AGAP1: variants seen among roughly 807,000 people sequenced by gnomAD.
AGAP1 encodes the protein ArfGAP with GTPase domain, ankyrin repeat and PH domain 1.
In AGAP1, 29 loss-of-function variants were observed where a neutral mutation model predicts 105.3. The ratio of observed to expected loss-of-function variants is 0.28; its 90% confidence interval spans 0.21 to 0.38. The LOEUF is 0.38. AGAP1 is among the 10% of genes least tolerant of loss of function. AGAP1 has a pLI of 1.00. For missense variants in AGAP1, 998 were observed against 1,165.1 expected (o/e 0.86, Z 2.09); for synonymous variants, 509 against 485.9 (o/e 1.05, Z -0.63).
intron 1 of AGAP1, among the ~76,000 whole-genome samples, chr2:235,576,220 G>A (rs992581952): frequency 7.2e-5 from 11 of 152,188 alleles, no homozygotes; most frequent in Non-Finnish European, 1.5e-4. Flanking sequence ...GGTAGGATAG[G>A]GGCTTTGGTC....
intron 16 of AGAP1, among the ~76,000 whole-genome samples, chr2:236,068,744 G>A (rs1182860568): frequency 6.9e-6 from 1 of 144,590 alleles, no homozygotes; most frequent in Non-Finnish European, 1.5e-5. Flanking sequence ...AGCTTGCAGT[G>A]AGCCAAGATC....
intron 1 of AGAP1, among the ~76,000 whole-genome samples, chr2:235,641,322 T>TCTCTCTTTCTCCTC (rs751660277): frequency 6.4e-4 from 96 of 149,854 alleles, no homozygotes; most frequent in Non-Finnish European, 8.8e-4. Context: ...TTTCTCTTTC[T>TCTCTCTTTCTCCTC]CCTCCCTCCC....
At chr2:235,985,885 T>C (rs2055294791) in intron 13 of AGAP1, among the ~76,000 whole-genome samples, 1 of 152,216 alleles carries the variant, frequency 6.6e-6, no homozygotes, top group Non-Finnish European at 1.5e-5. Flanking sequence ...TTGTATATAG[T>C]TTGAAGTCAT....
At chr2:235,580,903 T>C (rs1944908895) in intron 1 of AGAP1, among the ~76,000 whole-genome samples, 1 of 152,116 alleles carries the variant, frequency 6.6e-6, no homozygotes, top group Admixed American at 6.5e-5. Context: ...GTGGCCCTGC[T>C]CCTTGTATGG....
chr2:235,807,889 G>C (rs1957921769), intron 9 of AGAP1, among the ~76,000 whole-genome samples: 1 of 152,120 alleles, frequency 6.6e-6, no homozygotes, highest in South Asian at 2.1e-4. Context: ...TTATATAAAG[G>C]AACATTTACA....
rs776101414 is a variant in AGAP1, at chr2:235,562,146, T to C, written c.163+67297T>C. Reference sequence around the variant, plus strand: ...AAGGAAATCAGTTTTTAGTTAACTTTTAAGGCTATTCACCATGATTTAAAG... The same window carrying C: ...AAGGAAATCAGTTTTTAGTTAACTTCTAAGGCTATTCACCATGATTTAAAG... On this transcript the variant is annotated intron_variant, in intron 1 of 17. Coordinates refer to ENST00000304032, the MANE Select transcript of AGAP1 (RefSeq NM_001037131.3). 4.6e-5 allele frequency among the ~76,000 whole-genome samples: 7 copies of C among 152,238 alleles called. 1 individual carries two copies. The highest frequency in any genetic ancestry group is 7.3e-5 in the Non-Finnish European group (5 of 68,052).
Position 235,901,880 on chromosome 2 carries a change from GAA to G in AGAP1, c.1156-6844_1156-6843del, listed in dbSNP as rs57459227. On this transcript the variant is annotated intron_variant, in intron 10 of 17. Transcript: ENST00000304032. The surrounding 1 kb of genome is among the most constrained non-coding windows in gnomAD (Gnocchi z 4.3). ...GGCGACAGAGTGAGACTCCGTCTCG[GAA>G]AAAAAAAAAAAAATTATGGAGGGAC... Among the ~76,000 whole-genome samples the G allele has an allele frequency of 0.037, 5,397 of 145,774 alleles. 321 individuals carry two copies. The highest frequency in any genetic ancestry group is 0.12 in the African/African-American group (4,875 of 39,844).
chr2:235,702,000 A>G lies in AGAP1; in HGVS notation c.164-7179A>G, dbSNP rs898723682. 6.6e-6 allele frequency among the ~76,000 whole-genome samples: 1 copy of G among 152,210 alleles called. No individual in the cohort carries two copies. The highest frequency in any genetic ancestry group is 2.4e-5 in the African/African-American group (1 of 41,454). ...AATCCTTGTGACGTTTAAGGTTTTC[A>G]AAGAAAATTCCCAATTTCTGAGATA... is the stretch of plus-strand genomic sequence containing the variant. On this transcript the variant is annotated intron_variant, in intron 1 of 17. Transcript: ENST00000304032. This position sits in a 1 kb window ranked among gnomAD's most constrained non-coding sequence, Gnocchi z 4.1.
chr2:235,980,972 G>A (rs1481689727), intron 13 of AGAP1, among the ~76,000 whole-genome samples: 2 of 152,206 alleles, frequency 1.3e-5, no homozygotes, highest in African/African-American at 4.8e-5. Context: ...TATAAACCAA[G>A]ATTTTTTGCC....
chr2:235,523,053 C>T (rs1942685309), intron 1 of AGAP1, among the ~76,000 whole-genome samples: 1 of 152,096 alleles, frequency 6.6e-6, no homozygotes, highest in African/African-American at 2.4e-5. Context: ...GATGAGGGAG[C>T]CAGTGAGGGC....
chr2:235,948,223 T>C (rs4442946), intron 12 of AGAP1, among the ~76,000 whole-genome samples: 97,567 of 151,060 alleles, frequency 0.65, 33,307 homozygotes, highest in African/African-American at 0.88. Flanking sequence ...CACTGTGTCA[T>C]CCAGGCTGGA....
intron 13 of AGAP1, among the ~76,000 whole-genome samples, chr2:235,996,449 A>T (rs1160332132): frequency 6.6e-6 from 1 of 152,236 alleles, no homozygotes; most frequent in Non-Finnish European, 1.5e-5. Context: ...GGTGAGCATT[A>T]TTCTATTACC....
chr2:235,561,042 G>A (rs111403577), intron 1 of AGAP1, among the ~76,000 whole-genome samples: 9,808 of 152,236 alleles, frequency 0.064, 446 homozygotes, highest in South Asian at 0.18. Flanking sequence ...AGTGGGTGCC[G>A]CTGCCTGGTT....
intron 9 of AGAP1, among the ~76,000 whole-genome samples, chr2:235,829,282 G>T (rs1461424580): frequency 6.6e-6 from 1 of 152,246 alleles, no homozygotes; most frequent in East Asian, 1.9e-4. Context: ...TGTGGCCGTT[G>T]TCAGAATTCC....
In AGAP1 at chr2:236,120,466, T is replaced by C; in HGVS notation, c.2370+19T>C. On this transcript the variant is annotated intron_variant, in intron 17 of 17. Transcript: ENST00000304032. This position sits in a 1 kb window ranked among gnomAD's most constrained non-coding sequence, Gnocchi z 6.0. ...GATCTGGGTAGGTGGTCGGCACGCC[T>C]GGCAGAGGACGGGGCCACAGGAGGC... 1 of 1,610,776 alleles carries C rather than the reference T, an allele frequency of 6.2e-7. No individual in the cohort carries two copies. Among genetic ancestry groups the C allele is most frequent in the Non-Finnish European group, 8.5e-7 (1 of 1,179,526 alleles).
At position 236,023,029 on chromosome 2, in the gene AGAP1, A is replaced by T. The variant is rs541581109; in HGVS notation, c.1646-13532A>T. Among the ~76,000 whole-genome samples, 21 of 152,334 alleles carry T rather than the reference A, an allele frequency of 1.4e-4. No individual in the cohort carries two copies. The South Asian group carries it at 4.4e-3, about 32-fold the overall frequency. ...AAACAGAAATATTGGAGGATTTTAC[A>T]AAGTGTATGAGGAAAAATAGCATTA... On this transcript the variant is annotated intron_variant, in intron 13 of 17. Transcript: ENST00000304032.
chr2:236,096,162 C>G lies in AGAP1; in HGVS notation c.2115-24030C>G, dbSNP rs1434348459. Among the ~76,000 whole-genome samples the G allele has an allele frequency of 6.6e-6, 1 of 152,174 alleles. No individual in the cohort carries two copies. Among genetic ancestry groups the G allele is most frequent in the Non-Finnish European group, 1.5e-5 (1 of 68,040 alleles). Reference sequence around the variant, plus strand: ...TAGCTGTTTTTCATCCAGTAGGTAACTTCACTGGCTTCTTCACACAAATGT... The same window carrying G: ...TAGCTGTTTTTCATCCAGTAGGTAAGTTCACTGGCTTCTTCACACAAATGT... On this transcript the variant is annotated intron_variant, in intron 16 of 17. Coordinates refer to ENST00000304032, the MANE Select transcript of AGAP1 (RefSeq NM_001037131.3). The surrounding 1 kb of genome is among the most constrained non-coding windows in gnomAD (Gnocchi z 4.4).
In AGAP1 at chr2:235,967,282, G is replaced by A. The variant is rs982925624; in HGVS notation, c.1484-1180G>A. 2.6e-5 allele frequency among the ~76,000 whole-genome samples: 4 copies of A among 152,084 alleles called. No homozygotes were observed. Among genetic ancestry groups the A allele is most frequent in the African/African-American group, 7.2e-5 (3 of 41,402 alleles). ...TTCAAGTCTTGATTCAGTGTCCCGT[G>A]CTCAGCGAGACCTACCCCAGCTACC... On this transcript the variant is annotated intron_variant, in intron 12 of 17. Transcript: ENST00000304032. The surrounding 1 kb of genome is among the most constrained non-coding windows in gnomAD (Gnocchi z 4.7).
chr2:235,694,370 T>G (rs1160111728), intron 1 of AGAP1, among the ~76,000 whole-genome samples: 1 of 151,710 alleles, frequency 6.6e-6, no homozygotes, highest in Non-Finnish European at 1.5e-5. Flanking sequence ...TCCCAGCTAC[T>G]TGGGAGGCTG....
Sources: gnomAD v4.1 joint callset for allele counts (sites outside exome capture counted in the v4.1 genomes callset) on GRCh38, gnomAD v4.1.1 for gene constraint, Gnocchi (gnomAD v3.1) non-coding constraint, MANE v1.5 for transcripts, NCBI Gene and HGNC (gene_info 2026-07-23, HGNC 2026-07-21) for gene names.